Variants in VPS13A observed in about 807,000 individuals in gnomAD.
VPS13A encodes vacuolar protein sorting 13 homolog A.
Under a neutral mutation model 390.9 loss-of-function variants are expected in VPS13A, and 264 were observed. The observed-to-expected ratio is 0.68, with a 90% CI of 0.61 to 0.75. The LOEUF (loss-of-function observed/expected upper bound fraction) is 0.75. Among genes scored for constraint, VPS13A ranks in the 30% least tolerant of loss-of-function variants. The pLI is 0.00. For synonymous variants in VPS13A, 1,231 were observed against 1,227.1 expected, an observed-to-expected ratio of 1.00 and a Z score of -0.07; for missense variants, 3,409 against 3,733.9, an observed-to-expected ratio of 0.91 and a Z score of 2.27.
intron 68 of VPS13A, among the ~76,000 whole-genome samples, chr9:77,392,836 A>G (rs945549125): frequency 2.7e-5 from 4 of 148,938 alleles, no homozygotes; most frequent in African/African-American, 9.9e-5. Flanking sequence ...AAAAATCCTG[A>G]TCATCTGAAG....
chr9:77,396,902 T>G (rs369921903), intron 68 of VPS13A, among the ~76,000 whole-genome samples: 6 of 152,240 alleles, frequency 3.9e-5, no homozygotes, highest in African/African-American at 1.4e-4. Flanking sequence ...TCCGGAACCC[T>G]CAAATTAACC....
chr9:77,302,458 C>T (rs189272745), intron 33 of VPS13A, among the ~76,000 whole-genome samples: 1 of 149,008 alleles, frequency 6.7e-6, no homozygotes, highest in Admixed American at 6.7e-5. Context: ...CTGCAACCTC[C>T]ACCTCCCAGG....
chr9:77,260,093 A>G lies in VPS13A; in HGVS notation c.2296A>G (p.Ile766Val), dbSNP rs576941423. 165 of 1,505,778 alleles carry G rather than the reference A, an allele frequency of 1.1e-4. 2 individuals carry two copies. The South Asian group carries it at 1.8e-3, about 17-fold the overall frequency. 93.3% of individuals were successfully genotyped at this position (1,505,778 alleles called of 1,614,324 possible). ...FMDVRMPKFKIYGKLPLISLR... is the reference protein window; with the variant it reads ...FMDVRMPKFKVYGKLPLISLR... ...TTTATCTTTTCAAAACAGATTCAAG[A>G]TTTATGGAAAGTTACCTCTTATTTC... The change falls in exon 23 of 72, where the codon ATT becomes GTT. Residue 766 changes from isoleucine (I) to valine (V), a missense_variant. Physicochemically the swap from Ile to Val is conservative, Grantham distance 29 (BLOSUM62 3). Coordinates refer to ENST00000360280, the MANE Select transcript of VPS13A (RefSeq NM_033305.3).
chr9:77,373,034 C>G (rs1257556407), intron 67 of VPS13A, among the ~76,000 whole-genome samples: 1 of 152,210 alleles, frequency 6.6e-6, no homozygotes, highest in African/African-American at 2.4e-5. Flanking sequence ...TAGGAAGAAT[C>G]AATATCGTGA....
intron 6 of VPS13A, among the ~76,000 whole-genome samples, chr9:77,209,987 A>T (rs1825876737): frequency 6.6e-6 from 1 of 152,276 alleles, no homozygotes; most frequent in East Asian, 1.9e-4. Flanking sequence ...ACTGGAAAAC[A>T]TGCAGTATAA....
At chr9:77,389,552 G>A (rs756560143) in intron 68 of VPS13A, among the ~76,000 whole-genome samples, 3 of 152,008 alleles carry the variant, frequency 2.0e-5, no homozygotes, top group African/African-American at 4.8e-5. Context: ...CGATCCTACC[G>A]CTTCAGCCTC....
In VPS13A at chr9:77,398,215, GGA is replaced by G. The variant is rs1834197998; in HGVS notation, c.9190-5020_9190-5019del. 2.0e-5 allele frequency among the ~76,000 whole-genome samples: 3 copies of G among 152,146 alleles called. No homozygotes were observed. The South Asian group carries it at 6.2e-4, about 32-fold the overall frequency. The stretch of plus-strand genomic sequence containing the variant: ...TACCTCAGCAACTATCAGTATCCAG[GGA>G]TATCAAAGACATTTTTTGAGGTACC... On this transcript the variant is annotated intron_variant, in intron 68 of 71. Coordinates refer to ENST00000360280, the MANE Select transcript of VPS13A (RefSeq NM_033305.3).
chr9:77,353,634 A>C lies in VPS13A; in HGVS notation c.7645A>C (p.Ile2549Leu). The C allele has an allele frequency of 6.2e-7, 1 of 1,612,856 alleles. No individual in the cohort carries two copies. Among genetic ancestry groups the C allele is most frequent in the Non-Finnish European group, 8.5e-7 (1 of 1,179,116 alleles). ...YTKQEVAYIG[I>L]TSSDVVWETK... Reference sequence around the variant, plus strand: ...GAAGCAAGAAGTAGCCTATATAGGCATTACAAGGTTAGATGCATTAAATTT... The same window carrying C: ...GAAGCAAGAAGTAGCCTATATAGGCCTTACAAGGTTAGATGCATTAAATTT... The change falls in exon 54 of 72, where the codon ATT (isoleucine) becomes CTT (leucine). Residue 2549 changes from isoleucine (I) to leucine (L), a missense_variant. Physicochemically the swap from Ile to Leu is conservative, Grantham distance 5. Transcript: ENST00000360280.
chr9:77,239,316 GGGTTTTAATAGAGACCA>G (rs1824330474), intron 19 of VPS13A, among the ~76,000 whole-genome samples: 2 of 151,618 alleles, frequency 1.3e-5, no homozygotes, highest in South Asian at 4.2e-4. Flanking sequence ...AATAGAGACG[GGGTTTTAATAGAGACCA>G]GGTTTCACCA....
At chr9:77,402,993 T>A (rs562457467) in intron 68 of VPS13A, among the ~76,000 whole-genome samples, 16 of 152,324 alleles carry the variant, frequency 1.1e-4, no homozygotes, top group Non-Finnish European at 2.1e-4. Context: ...TAAGATAACA[T>A]CAGCTTCTAA....
At chr9:77,251,196 G>A (rs1177074883) in intron 21 of VPS13A, among the ~76,000 whole-genome samples, 1 of 152,170 alleles carries the variant, frequency 6.6e-6, no homozygotes, top group Non-Finnish European at 1.5e-5. Flanking sequence ...TATAGTGGGT[G>A]GCAGAAGTAC....
intron 52 of VPS13A, among the ~76,000 whole-genome samples, chr9:77,347,736 A>G (rs1334673779): frequency 2.0e-5 from 3 of 152,210 alleles, no homozygotes; most frequent in Admixed American, 2.0e-4. Flanking sequence ...TAAAATAAGA[A>G]ATATAATCAT....
intron 1 of VPS13A, among the ~76,000 whole-genome samples, chr9:77,188,342 C>T (rs1429920024): frequency 3.3e-5 from 5 of 152,200 alleles, no homozygotes; most frequent in Non-Finnish European, 5.9e-5. Flanking sequence ...CAAGTTTTAA[C>T]TCCGTCTTGT....
intron 36 of VPS13A, 108 bp from the exon 37 acceptor site, chr9:77,314,387 T>G: frequency 8.4e-7 from 1 of 1,191,346 alleles, no homozygotes; most frequent in African/African-American, 1.5e-5. Flanking sequence ...GAGACAGAAT[T>G]TTGATGTTTG....
rs377418680 is a variant in VPS13A, at chr9:77,321,669, A to T, written c.5753A>T (p.Asp1918Val). Reference sequence around the variant, plus strand: ...AAAAATGGAGAAAGTTTAAGTATGGATTATATCCGAACCAAGGACAATGAT... The same window carrying T: ...AAAAATGGAGAAAGTTTAAGTATGGTTTATATCCGAACCAAGGACAATGAT... ...VLKNGESLSM[D>V]YIRTKDNDHF... Residue 1918 changes from aspartate (D) to valine (V), a missense_variant, in exon 44 of 72, where the codon GAT becomes GTT. Asp to Val is a radical substitution (Grantham distance 152, BLOSUM62 -3). Around this residue, in one of 5 missense-constraint regions of VPS13A, gnomAD observed 2,717 missense variants for 2,917.4 expected, o/e 0.93. Coordinates refer to ENST00000360280, the MANE Select transcript of VPS13A (RefSeq NM_033305.3). 2 of 1,613,334 alleles carry T rather than the reference A, an allele frequency of 1.2e-6. No homozygotes were observed. Among genetic ancestry groups the T allele is most frequent in the African/African-American group, 2.7e-5 (2 of 75,016 alleles).
chr9:77,217,636 G>T (rs1382595311), intron 10 of VPS13A, among the ~76,000 whole-genome samples: 1 of 152,114 alleles, frequency 6.6e-6, no homozygotes, highest in Non-Finnish European at 1.5e-5. Context: ...TGCAAAAAAT[G>T]TGATTTTCTT....
At chr9:77,299,158 G>T (rs1175106597) in intron 33 of VPS13A, among the ~76,000 whole-genome samples, 1 of 152,088 alleles carries the variant, frequency 6.6e-6, no homozygotes, top group South Asian at 2.1e-4. Flanking sequence ...TTTGGTTACT[G>T]TAGCCTTGTA....
At chr9:77,178,977 A>G (rs1823833735) in intron 1 of VPS13A, among the ~76,000 whole-genome samples, 2 of 152,220 alleles carry the variant, frequency 1.3e-5, no homozygotes, top group African/African-American at 4.8e-5. Flanking sequence ...ACCTAGTATC[A>G]TGATGGAGAG....
chr9:77,241,698 C>T (rs952194524), intron 19 of VPS13A, among the ~76,000 whole-genome samples: 13 of 152,000 alleles, frequency 8.6e-5, no homozygotes, highest in Non-Finnish European at 1.6e-4. Flanking sequence ...GCCTTCATTT[C>T]GGGAAGATTT....
Sources: allele counts gnomAD v4.1 joint callset (sites outside exome capture counted in the v4.1 genomes callset), GRCh38; gene constraint gnomAD v4.1.1; regional missense constraint gnomAD v4.1.1; transcripts MANE v1.5; gene names NCBI Gene and HGNC (gene_info 2026-07-23, HGNC 2026-07-21).